The following PHLPP2 variants were observed in gnomAD, a reference collection of about 807,000 sequenced individuals.
PHLPP2 encodes PH domain leucine-rich repeat-containing protein phosphatase 2.
Under a neutral mutation model 124.9 loss-of-function variants are expected in PHLPP2, and 66 were observed. The observed-to-expected ratio is 0.53, with a 90% CI of 0.43 to 0.65. PHLPP2 has a LOEUF of 0.65. PHLPP2 is among the 30% of genes least tolerant of loss of function. The pLI, the probability that PHLPP2 is intolerant of heterozygous loss-of-function variation, is 0.00. For missense variants in PHLPP2, 1,685 were observed against 1,600.4 expected, an observed-to-expected ratio of 1.05 and a Z score of -0.90; for synonymous variants, 681 against 624.7, an observed-to-expected ratio of 1.09 and a Z score of -1.34.
At chr16:71,669,960 A>G (rs998058350) in intron 10 of PHLPP2, among the ~76,000 whole-genome samples, 1 of 152,248 alleles carries the variant, frequency 6.6e-6, no homozygotes, top group Admixed American at 6.5e-5. Context: ...AAGCGATATA[A>G]TGAGGCAGAA....
chr16:71,714,374 A>C, intron 2 of PHLPP2, 138 bp downstream of exon 2: 1 of 1,151,532 alleles, frequency 8.7e-7, no homozygotes, highest in Non-Finnish European at 1.2e-6. Context: ...CAGCCTTCCA[A>C]GGACAAATCT....
chr16:71,718,699 C>CA (rs1025135978), intron 1 of PHLPP2, among the ~76,000 whole-genome samples: 1 of 151,456 alleles, frequency 6.6e-6, no homozygotes, highest in Non-Finnish European at 1.5e-5. Context: ...AACCGCGTCT[C>CA]AAAAAAAATT....
chr16:71,711,899 G>A (rs1052635329), intron 2 of PHLPP2, among the ~76,000 whole-genome samples: 1 of 152,206 alleles, frequency 6.6e-6, no homozygotes, highest in Non-Finnish European at 1.5e-5. Context: ...AAATAAGCAT[G>A]ATTAAATAGT....
intron 1 of PHLPP2, among the ~76,000 whole-genome samples, chr16:71,721,656 C>T (rs1369893453): frequency 1.0e-5 from 1 of 95,358 alleles, no homozygotes; most frequent in Non-Finnish European, 2.1e-5. Flanking sequence ...TTGCTAAACA[C>T]CCAAAACTGT....
intron 18 of PHLPP2, among the ~76,000 whole-genome samples, chr16:71,651,441 A>G (rs117512594): frequency 0.057 from 8,623 of 152,264 alleles, 323 homozygotes; most frequent in Non-Finnish European, 0.084. Context: ...GCATGTGCCT[A>G]TAGTCCCAGC....
At position 71,698,500 on chromosome 16, in the gene PHLPP2, C is replaced by T. The variant is rs531825089; in HGVS notation, c.418+4098G>A. ...GCCCTGCGGCTTTCCAAAGGCACCT[C>T]GCATACCTGTTTGGAGCCTAGACTG... On this transcript the variant is annotated intron_variant, in intron 3 of 18. Transcript: ENST00000568954. 20 of 746,360 alleles carry T rather than the reference C, an allele frequency of 2.7e-5. 1 individual carries two copies. Among genetic ancestry groups the T allele is most frequent in the Middle Eastern group, 6.7e-4 (2 of 2,974 alleles). The allele number at this position is 746,360 out of a possible 1,614,324, so 46.2% of individuals were successfully genotyped here. A position where few individuals can be genotyped will look rare whatever the true frequency, so the allele number is the denominator to read the frequency against.
At chr16:71,697,367 C>A (rs1459616948) in intron 3 of PHLPP2, among the ~76,000 whole-genome samples, 3 of 152,052 alleles carry the variant, frequency 2.0e-5, no homozygotes, top group Non-Finnish European at 4.4e-5. Flanking sequence ...TGGCGCACAT[C>A]AAGTCCACTC....
intron 15 of PHLPP2, among the ~76,000 whole-genome samples, chr16:71,657,971 G>A (rs768085020): frequency 3.9e-5 from 6 of 152,190 alleles, no homozygotes; most frequent in African/African-American, 9.7e-5. Context: ...TATAATCTGT[G>A]CCACCTAAAA....
intron 1 of PHLPP2, among the ~76,000 whole-genome samples, chr16:71,721,768 A>G (rs1181018226): frequency 6.6e-6 from 1 of 152,200 alleles, no homozygotes; most frequent in Non-Finnish European, 1.5e-5. Context: ...ACTAAAAAAA[A>G]ACCATAAACC....
rs2044652047 is a variant in PHLPP2, at chr16:71,646,173, T to C, written c.*2717A>G. 6.5e-6 allele frequency: 1 copy of C among 152,678 alleles called. No homozygotes were observed. The highest frequency in any genetic ancestry group is 2.4e-5 in the African/African-American group (1 of 41,474). The allele number at this position is 152,678 out of a possible 1,614,324, so 9.5% of individuals were successfully genotyped here. On this transcript the variant is annotated 3_prime_UTR_variant, in exon 19 of 19. Transcript: ENST00000568954. ...CAGATACGGGCTTTCACTGACAGCC[T>C]GTTTAGAAAACACAATGTCTGTAAG...
At chr16:71,695,387 A>AG (rs1259832706) in intron 3 of PHLPP2, among the ~76,000 whole-genome samples, 1 of 152,162 alleles carries the variant, frequency 6.6e-6, no homozygotes, top group East Asian at 1.9e-4. Flanking sequence ...TAATGCATAC[A>AG]TGATGTCCAA....
chr16:71,667,102 T>C lies in PHLPP2; in HGVS notation c.1784+76A>G, dbSNP rs552830267. The C allele has an allele frequency of 5.6e-5, 69 of 1,236,284 alleles. 1 individual carries two copies. In the South Asian group the frequency reaches 9.7e-4, roughly 17 times the overall value. The allele number at this position is 1,236,284 out of a possible 1,614,324, so 76.6% of individuals were successfully genotyped here. A position where few individuals can be genotyped will look rare whatever the true frequency, so the allele number is the denominator to read the frequency against. On this transcript the variant is annotated intron_variant, in intron 12 of 18. Coordinates refer to ENST00000568954, the MANE Select transcript of PHLPP2 (RefSeq NM_015020.3). ...CGCTCTGTAAATACAGTTCCAAAGG[T>C]CACTCCAATGATAAGTCACTGCAGT... is the stretch of plus-strand genomic sequence containing the variant.
At chr16:71,689,438 G>C (rs2045086673) in intron 4 of PHLPP2, among the ~76,000 whole-genome samples, 2 of 144,710 alleles carry the variant, frequency 1.4e-5, no homozygotes, top group South Asian at 4.4e-4. Flanking sequence ...TGTCTCCCAG[G>C]CTGGGGTGCA....
At chr16:71,685,569 T>C (rs2045047587) in intron 4 of PHLPP2, among the ~76,000 whole-genome samples, 1 of 152,244 alleles carries the variant, frequency 6.6e-6, no homozygotes, top group Non-Finnish European at 1.5e-5. Flanking sequence ...AAAGATTCAT[T>C]AAAATTAAAT....
At chr16:71,658,590 T>G (rs2044761294) in intron 14 of PHLPP2, 63 bp downstream of exon 14, 17 of 1,496,728 alleles carry the variant, frequency 1.1e-5, no homozygotes, top group Non-Finnish European at 1.6e-5. Flanking sequence ...AAAAGGAAAA[T>G]AATGTCATTC....
intron 12 of PHLPP2, among the ~76,000 whole-genome samples, chr16:71,665,029 G>A (rs2044826396): frequency 6.6e-6 from 1 of 152,092 alleles, no homozygotes; most frequent in Non-Finnish European, 1.5e-5. Context: ...TATACTTCCG[G>A]CTGGGCGAGG....
chr16:71,656,556 G>A lies in PHLPP2; in HGVS notation c.2390+15C>T, dbSNP rs773909084. On this transcript the variant is annotated intron_variant, in intron 16 of 18. Coordinates refer to ENST00000568954, the MANE Select transcript of PHLPP2 (RefSeq NM_015020.3). ...GCCTTTTTTCTTTCTCAGTCTCCATGGCCAATATACTCACTTATTTCTCTG... is the reference window on the plus strand; with the variant it reads ...GCCTTTTTTCTTTCTCAGTCTCCATAGCCAATATACTCACTTATTTCTCTG... The A allele has an allele frequency of 1.3e-5, 20 of 1,491,672 alleles. No individual in the cohort carries two copies. The highest frequency in any genetic ancestry group is 1.8e-5 in the Non-Finnish European group (19 of 1,069,458). 92.4% of individuals were successfully genotyped at this position (1,491,672 alleles called of 1,614,324 possible). A position where few individuals can be genotyped will look rare whatever the true frequency, so the allele number is the denominator to read the frequency against.
chr16:71,714,579 C>A lies in PHLPP2; in HGVS notation c.217G>T (p.Ala73Ser), dbSNP rs576309937. 2.5e-6 allele frequency: 4 copies of A among 1,614,090 alleles called. No individual in the cohort carries two copies. In the East Asian group the frequency reaches 6.7e-5, roughly 27 times the overall value. Reference protein sequence around the residue: ...HLVLCTVETPASEICAGEGRE... With the variant: ...HLVLCTVETPSSEICAGEGRE... ...CCCTCTCCAGCACATATTTCTGATG[C>A]TGGTGTCTCTACAGTGCAAAGGACG... The change falls in exon 2 of 19, where the codon GCA becomes TCA. Residue 73 changes from alanine (A) to serine (S), a missense_variant. Coordinates refer to ENST00000568954, the MANE Select transcript of PHLPP2 (RefSeq NM_015020.3).
Position 71,679,470 on chromosome 16 carries a change from C to T in PHLPP2, c.956G>A (p.Cys319Tyr). The T allele has an allele frequency of 1.9e-6, 3 of 1,613,446 alleles. No individual in the cohort carries two copies. Among genetic ancestry groups the T allele is most frequent in the Non-Finnish European group, 2.5e-6 (3 of 1,179,532 alleles). Reference protein sequence around the residue: ...NKLGLFPILLCEISTLTELNL... With the variant: ...NKLGLFPILLYEISTLTELNL... ...GAGCTCAGTCAGGGTAGAGATCTCG[C>T]ATAACAATATAGGAAACAACCCAAG... The change falls in exon 7 of 19, where the codon TGC becomes TAC. Residue 319 changes from cysteine (C) to tyrosine (Y), a missense_variant. Physicochemically the swap from Cys to Tyr is radical, Grantham distance 194 (BLOSUM62 -2). Coordinates refer to ENST00000568954, the MANE Select transcript of PHLPP2 (RefSeq NM_015020.3).
Sources: gnomAD v4.1 joint callset for allele counts (sites outside exome capture counted in the v4.1 genomes callset) on GRCh38, gnomAD v4.1.1 for gene constraint, MANE v1.5 for transcripts, NCBI Gene and HGNC (gene_info 2026-07-23, HGNC 2026-07-21) for gene names.